AJAP1: variants seen among roughly 807,000 people sequenced by gnomAD.
AJAP1 encodes the protein adherens junction-associated protein 1.
In AJAP1, 5 loss-of-function variants were observed where a neutral mutation model predicts 35.0. The ratio of observed to expected loss-of-function variants is 0.14; its 90% CI spans 0.07 to 0.30. The LOEUF (loss-of-function observed/expected upper bound fraction) is 0.30. Among genes scored for constraint, AJAP1 ranks in the 10% least tolerant of loss-of-function variants. The probability of loss-of-function intolerance (pLI) is 1.00; values close to 1 mark genes in which losing one functional copy is unlikely to be tolerated. For synonymous variants in AJAP1, 284 were observed against 249.3 expected (o/e 1.14, Z -1.31); for missense variants, 586 against 571.0 (o/e 1.03, Z -0.27).
intron 2 of AJAP1, among the ~76,000 whole-genome samples, chr1:4,753,417 C>CTGCTATAATAATTTTTA (rs1553160541): frequency 6.6e-6 from 1 of 151,958 alleles, no homozygotes; most frequent in African/African-American, 2.4e-5. Flanking sequence ...GAATTTACTC[C>CTGCTATAATAATTTTTA]ATTTTCTTAA....
chr1:4,778,096 C>T (rs1337694028), intron 5 of AJAP1, among the ~76,000 whole-genome samples: 1 of 152,060 alleles, frequency 6.6e-6, no homozygotes, highest in African/African-American at 2.4e-5. Context: ...GTCATTACAC[C>T]CAGTGCGCCA....
intron 2 of AJAP1, among the ~76,000 whole-genome samples, chr1:4,732,196 G>A (rs1640816083): frequency 6.6e-6 from 1 of 152,252 alleles, no homozygotes; most frequent in South Asian, 2.1e-4. Context: ...ATGGGGCACA[G>A]CCAAATTCTC....
chr1:4,769,027 G>A (rs1171072721), intron 2 of AJAP1, among the ~76,000 whole-genome samples: 1 of 152,184 alleles, frequency 6.6e-6, no homozygotes, highest in Admixed American at 6.5e-5. Flanking sequence ...CATCGTGCAT[G>A]TGGGTGTCAG....
At chr1:4,763,462 C>T (rs1368640204) in intron 2 of AJAP1, among the ~76,000 whole-genome samples, 1 of 152,218 alleles carries the variant, frequency 6.6e-6, no homozygotes, top group Non-Finnish European at 1.5e-5. Context: ...TTCCCTGAGC[C>T]AGGCCATCAC....
intron 3 of AJAP1, among the ~76,000 whole-genome samples, chr1:4,771,870 G>A (rs1641842750): frequency 1.3e-5 from 2 of 152,010 alleles, no homozygotes; most frequent in South Asian, 2.1e-4. Context: ...ACCCCAACCT[G>A]TACCCAAAGG....
At chr1:4,748,304 G>A (rs1414760092) in intron 2 of AJAP1, among the ~76,000 whole-genome samples, 1 of 152,328 alleles carries the variant, frequency 6.6e-6, no homozygotes, top group Admixed American at 6.5e-5. Context: ...GCTGTGCTGG[G>A]TGTGTTACAT....
intron 1 of AJAP1, among the ~76,000 whole-genome samples, chr1:4,682,865 G>T (rs1354376717): frequency 2.6e-5 from 4 of 151,816 alleles, no homozygotes; most frequent in Non-Finnish European, 5.9e-5. Context: ...GGTGGTGATG[G>T]TGATTGTGAT....
intron 1 of AJAP1, among the ~76,000 whole-genome samples, chr1:4,657,525 T>C (rs1360516817): frequency 2.0e-5 from 3 of 152,194 alleles, no homozygotes; most frequent in African/African-American, 7.2e-5. Context: ...GGAAATGCAC[T>C]TTTTCTTTCA....
intron 2 of AJAP1, among the ~76,000 whole-genome samples, chr1:4,725,414 G>A (rs1416925413): frequency 1.3e-5 from 2 of 152,120 alleles, no homozygotes; most frequent in African/African-American, 2.4e-5. Context: ...CAGGGCTGTC[G>A]TCATGGTCCC....
At chr1:4,775,112 A>T (rs1321289717) in intron 5 of AJAP1, among the ~76,000 whole-genome samples, 1 of 152,158 alleles carries the variant, frequency 6.6e-6, no homozygotes, top group African/African-American at 2.4e-5. Context: ...GAAGCCAGGA[A>T]CCGGCACCAA....
chr1:4,724,767 G>A (rs1640610462), intron 2 of AJAP1, among the ~76,000 whole-genome samples: 2 of 151,386 alleles, frequency 1.3e-5, no homozygotes, highest in South Asian at 2.1e-4. Context: ...GCAACTTCTG[G>A]GCTTAGAGAC....
At chr1:4,751,831 C>T (rs1287303172) in intron 2 of AJAP1, among the ~76,000 whole-genome samples, 2 of 152,162 alleles carry the variant, frequency 1.3e-5, no homozygotes, top group African/African-American at 4.8e-5. Flanking sequence ...GATTGGGTCA[C>T]GGGCACAGAA....
chr1:4,677,864 A>G (rs1033771215), intron 1 of AJAP1, among the ~76,000 whole-genome samples: 13 of 152,194 alleles, frequency 8.5e-5, no homozygotes, highest in African/African-American at 3.1e-4. Context: ...GGAGCCAACT[A>G]TTGCTTCCAG....
At chr1:4,682,622 C>T (rs1424496358) in intron 1 of AJAP1, among the ~76,000 whole-genome samples, 1 of 152,188 alleles carries the variant, frequency 6.6e-6, no homozygotes, top group Admixed American at 6.5e-5. Flanking sequence ...CCCCTAATGG[C>T]CACCAGAGCT....
intron 1 of AJAP1, among the ~76,000 whole-genome samples, chr1:4,678,395 C>G (rs1639406484): frequency 6.6e-6 from 1 of 152,126 alleles, no homozygotes. Context: ...TTAGTTGGGC[C>G]CTGTGCAAGG....
In AJAP1 at chr1:4,782,695, A is replaced by T. The variant is rs1642088495; in HGVS notation, c.*210A>T. On this transcript the variant is annotated 3_prime_UTR_variant, in exon 6 of 6. Transcript: ENST00000378191. This position sits in a 1 kb window ranked among gnomAD's most constrained non-coding sequence, Gnocchi z 5.3. ...CACAGAGCAGGACGCTCTAGGCCAAATCTATTTTTGTAAAAATGCTCATGC... is the reference window on the plus strand; with the variant it reads ...CACAGAGCAGGACGCTCTAGGCCAATTCTATTTTTGTAAAAATGCTCATGC... The T allele has an allele frequency of 2.5e-6, 1 of 398,480 alleles. No individual in the cohort carries two copies. Among genetic ancestry groups the T allele is most frequent in the Admixed American group, 4.4e-5 (1 of 22,716 alleles). The allele number at this position is 398,480 out of a possible 1,614,324, so 24.7% of individuals were successfully genotyped here.
At chr1:4,670,376 C>T (rs1318009067) in intron 1 of AJAP1, among the ~76,000 whole-genome samples, 1 of 152,216 alleles carries the variant, frequency 6.6e-6, no homozygotes, top group Non-Finnish European at 1.5e-5. Flanking sequence ...ATTCTTGGTG[C>T]CTTTTCCTTT....
chr1:4,760,726 C>T lies in AJAP1; in HGVS notation c.830-9127C>T, dbSNP rs899852543. On this transcript the variant is annotated intron_variant, in intron 2 of 5. Transcript: ENST00000378191. ...TTCATAGTCATTATATTCAATTCAGCAATGTGTCTAAGCGTTTCTGTTTGC... is the reference window on the plus strand; with the variant it reads ...TTCATAGTCATTATATTCAATTCAGTAATGTGTCTAAGCGTTTCTGTTTGC... 3.3e-5 allele frequency among the ~76,000 whole-genome samples: 5 copies of T among 152,352 alleles called. No individual in the cohort carries two copies. In the South Asian group the frequency reaches 1.0e-3, roughly 32 times the overall value.
intron 2 of AJAP1, among the ~76,000 whole-genome samples, chr1:4,744,845 G>C (rs556962542): frequency 6.6e-6 from 1 of 152,284 alleles, no homozygotes; most frequent in African/African-American, 2.4e-5. Context: ...CCCTGCTGGT[G>C]TCACTGTTAA....
Sources: gnomAD v4.1 joint callset for allele counts (sites outside exome capture counted in the v4.1 genomes callset) on GRCh38, gnomAD v4.1.1 for gene constraint, Gnocchi (gnomAD v3.1) non-coding constraint, MANE v1.5 for transcripts, NCBI Gene and HGNC (gene_info 2026-07-23, HGNC 2026-07-21) for gene names.